Variants in GAS7 observed in about 807,000 individuals in gnomAD.
GAS7 encodes growth arrest specific 7, also known as growth arrest-specific protein 7.
In GAS7, 28 loss-of-function variants were observed where a neutral mutation model predicts 71.1. The ratio of observed to expected loss-of-function variants is 0.39; its 90% CI spans 0.29 to 0.54. GAS7 has a LOEUF of 0.54. Among genes scored for constraint, GAS7 ranks in the 20% least tolerant of loss-of-function variants. GAS7 has a pLI of 0.62. For synonymous variants in GAS7, 258 were observed against 245.8 expected (o/e 1.05, Z -0.46); for missense variants, 436 against 627.8 (o/e 0.69, Z 3.27).
At chr17:9,965,776 G>A (rs946609959) in intron 4 of GAS7, among the ~76,000 whole-genome samples, 13 of 152,184 alleles carry the variant, frequency 8.5e-5, no homozygotes, top group African/African-American at 3.1e-4. Flanking sequence ...CTGCCCCAGG[G>A]CTGCAGAATT....
chr17:10,073,651 C>T (rs1223124064), intron 1 of GAS7, among the ~76,000 whole-genome samples: 2 of 152,166 alleles, frequency 1.3e-5, no homozygotes, highest in Non-Finnish European at 2.9e-5. Context: ...AACGTTTGAG[C>T]AGCACTAATT....
intron 1 of GAS7, among the ~76,000 whole-genome samples, chr17:10,180,688 A>T (rs148378057): frequency 6.6e-6 from 1 of 152,122 alleles, no homozygotes; most frequent in Non-Finnish European, 1.5e-5. Context: ...CTGTTCCCCA[A>T]TCAATCTTGT....
In GAS7 at chr17:10,033,975, G is replaced by A. The variant is rs534384735; in HGVS notation, c.184-14078C>T. ...ATGAAGTCTAATAAGGGCTGGAACC[G>A]TTTCCAAGACTCAGTAAGGGGTGCA... On this transcript the variant is annotated intron_variant, in intron 1 of 13. Transcript: ENST00000432992. 4.8e-5 allele frequency: 11 copies of A among 228,108 alleles called. No homozygotes were observed. The East Asian group carries it at 5.4e-4, about 11-fold the overall frequency. The allele number at this position is 228,108 out of a possible 1,614,324, so 14.1% of individuals were successfully genotyped here. A position where few individuals can be genotyped will look rare whatever the true frequency, so the allele number is the denominator to read the frequency against.
At chr17:10,005,326 T>TAC (rs543450625) in intron 2 of GAS7, among the ~76,000 whole-genome samples, 25 of 150,500 alleles carry the variant, frequency 1.7e-4, no homozygotes, top group South Asian at 4.2e-4. Flanking sequence ...CACATATATA[T>TAC]ATACACACAC....
intron 1 of GAS7, 94 bp from the exon 2 acceptor site, chr17:10,019,991 TA>T (rs2072200743): frequency 1.7e-6 from 2 of 1,204,202 alleles, no homozygotes; most frequent in Non-Finnish European, 2.4e-6. Flanking sequence ...CACCCTACAG[TA>T]GCGTGACATT....
Position 10,113,382 on chromosome 17 carries a change from G to A in GAS7, c.183+84826C>T, listed in dbSNP as rs1176803881. 1.2e-4 allele frequency among the ~76,000 whole-genome samples: 19 copies of A among 152,208 alleles called. No homozygotes were observed. In the South Asian group the frequency reaches 2.7e-3, roughly 22 times the overall value. ...CCCACGTGCAGAATGATGGATATACGAGGCTATCCACAGCAGCAACAGGTA... is the reference window on the plus strand; with the variant it reads ...CCCACGTGCAGAATGATGGATATACAAGGCTATCCACAGCAGCAACAGGTA... On this transcript the variant is annotated intron_variant, in intron 1 of 13. Transcript: ENST00000432992.
chr17:10,105,621 T>C (rs1009888797), intron 1 of GAS7, among the ~76,000 whole-genome samples: 6 of 152,162 alleles, frequency 3.9e-5, no homozygotes, highest in Non-Finnish European at 8.8e-5. Context: ...CAGCTGCTTC[T>C]TGTCATCCAG....
At position 10,026,164 on chromosome 17, in the gene GAS7, G is replaced by A. The variant is rs892808726; in HGVS notation, c.184-6267C>T. 210 of 985,148 alleles carry A rather than the reference G, an allele frequency of 2.1e-4. 2 individuals are homozygous for A. The highest frequency in any genetic ancestry group is 2.4e-4 in the Non-Finnish European group (199 of 829,884). The allele number at this position is 985,148 out of a possible 1,614,324, so 61.0% of individuals were successfully genotyped here. ...CTGACTCTTACCTTATCCTAAAGCC[G>A]TGAGCAAACGCTACTCGCTGGTGTT... On this transcript the variant is annotated intron_variant, in intron 1 of 13. Coordinates refer to ENST00000432992, the MANE Select transcript of GAS7 (RefSeq NM_201433.2). The surrounding 1 kb of genome is among the most constrained non-coding windows in gnomAD (Gnocchi z 4.5).
chr17:9,928,761 C>T (rs556411955), intron 9 of GAS7, among the ~76,000 whole-genome samples: 2 of 152,348 alleles, frequency 1.3e-5, no homozygotes, highest in East Asian at 1.9e-4. Flanking sequence ...GAGCTCCAAG[C>T]GGGCAGGGGC....
intron 1 of GAS7, among the ~76,000 whole-genome samples, chr17:10,025,540 C>T (rs915364314): frequency 4.3e-4 from 66 of 151,824 alleles, no homozygotes; most frequent in African/African-American, 1.6e-3. Context: ...AACAACGCAA[C>T]CCCCAAAATT....
chr17:9,975,223 C>T (rs1419717212), intron 3 of GAS7, among the ~76,000 whole-genome samples: 2 of 152,128 alleles, frequency 1.3e-5, no homozygotes, highest in Non-Finnish European at 2.9e-5. Context: ...GGGATGGTGG[C>T]GCACGCCTGT....
At chr17:9,932,669 T>C (rs1042804364) in intron 9 of GAS7, among the ~76,000 whole-genome samples, 1 of 152,076 alleles carries the variant, frequency 6.6e-6, no homozygotes, top group Admixed American at 6.6e-5. Context: ...CTTGGAAACA[T>C]GGAGAAATCT....
intron 9 of GAS7, among the ~76,000 whole-genome samples, chr17:9,928,282 T>TGTGTGTGTGTGTGTGTGTGTGTGTGTGTG (rs1306413386): frequency 6.7e-6 from 1 of 150,056 alleles, no homozygotes; most frequent in African/African-American, 2.4e-5. Flanking sequence ...CCGGCTAATT[T>TGTGTGTGTGTGTGTGTGTGTGTGTGTGTG]TTTTTTTTTT....
At chr17:9,997,750 C>G (rs2071104730) in intron 2 of GAS7, among the ~76,000 whole-genome samples, 2 of 152,400 alleles carry the variant, frequency 1.3e-5, no homozygotes, top group Admixed American at 1.3e-4. Context: ...GATTCTGTAA[C>G]TCCCTCCACG....
chr17:10,004,890 A>C (rs574757745), intron 2 of GAS7, among the ~76,000 whole-genome samples: 1 of 152,164 alleles, frequency 6.6e-6, no homozygotes, highest in Non-Finnish European at 1.5e-5. Flanking sequence ...CATGCCTGTA[A>C]TCCCAACTAC....
intron 1 of GAS7, among the ~76,000 whole-genome samples, chr17:10,045,040 C>T (rs1042681710): frequency 1.7e-4 from 14 of 82,206 alleles, no homozygotes; most frequent in African/African-American, 5.1e-4. Flanking sequence ...GACTCCATCT[C>T]AAAAAAAAAA....
intron 5 of GAS7, among the ~76,000 whole-genome samples, chr17:9,949,651 G>A (rs2068926861): frequency 6.6e-6 from 1 of 152,152 alleles, no homozygotes; most frequent in African/African-American, 2.4e-5. Context: ...CCACCCTAGA[G>A]GGAAACACAA....
chr17:10,120,957 A>C (rs1460872727), intron 1 of GAS7, among the ~76,000 whole-genome samples: 1 of 152,204 alleles, frequency 6.6e-6, no homozygotes, highest in African/African-American at 2.4e-5. Context: ...CTGGAACCCC[A>C]AGGTGGGCAC....
At chr17:10,184,465 AT>A (rs1202379808) in intron 1 of GAS7, among the ~76,000 whole-genome samples, 1 of 152,234 alleles carries the variant, frequency 6.6e-6, no homozygotes, top group Non-Finnish European at 1.5e-5. Flanking sequence ...AAGAGAAAGA[AT>A]GAAAGTAAAC....
Sources: gnomAD v4.1 joint callset for allele counts (sites outside exome capture counted in the v4.1 genomes callset) on GRCh38, gnomAD v4.1.1 for gene constraint, Gnocchi (gnomAD v3.1) non-coding constraint, MANE v1.5 for transcripts, NCBI Gene and HGNC (gene_info 2026-07-23, HGNC 2026-07-21) for gene names.